The following KCNQ1 variants were observed in gnomAD, a reference collection of about 807,000 sequenced individuals.
The protein encoded by KCNQ1 is potassium voltage-gated channel subfamily KQT member 1.
A neutral mutation model predicts 72.4 loss-of-function variants in KCNQ1; 49 were observed. That is an observed-to-expected ratio of 0.68 (90% CI 0.54 to 0.86). The LOEUF is 0.86. KCNQ1 is among the 40% of genes least tolerant of loss of function. The probability of loss-of-function intolerance (pLI) is 0.00; values close to 1 mark genes in which losing one functional copy is unlikely to be tolerated. For missense variants in KCNQ1, 790 were observed against 945.1 expected (o/e 0.84, Z 2.15); for synonymous variants, 450 against 412.6 (o/e 1.09, Z -1.10).
chr11:2,674,716 TCTG>T lies in KCNQ1; in HGVS notation c.1514+12636_1514+12638del. The stretch of plus-strand genomic sequence containing the variant: ...AAACCTTTCCTGATGACTCCTTCCT[TCTG>T]AACTTAACTCGTTAAAGTTGCTCCA... On this transcript the variant is annotated intron_variant, in intron 11 of 15. Coordinates refer to ENST00000155840, the MANE Select transcript of KCNQ1 (RefSeq NM_000218.3). The surrounding 1 kb of genome is among the most constrained non-coding windows in gnomAD (Gnocchi z 5.9). The T allele has an allele frequency of 2.5e-6, 1 of 398,280 alleles. No homozygotes were observed. The highest frequency in any genetic ancestry group is 4.4e-6 in the Non-Finnish European group (1 of 226,034). The allele number at this position is 398,280 out of a possible 1,614,324, so 24.7% of individuals were successfully genotyped here.
At chr11:2,500,060 C>T (rs1001135247) in intron 1 of KCNQ1, among the ~76,000 whole-genome samples, 2 of 152,146 alleles carry the variant, frequency 1.3e-5, no homozygotes, top group Admixed American at 1.3e-4. Context: ...AAACAATATG[C>T]TCCTGAATGA....
At chr11:2,792,094 G>C (rs1288991343) in intron 15 of KCNQ1, among the ~76,000 whole-genome samples, 3 of 152,168 alleles carry the variant, frequency 2.0e-5, no homozygotes, top group Admixed American at 6.5e-5. Context: ...CCCTGGTCCG[G>C]CGCTTCCATT....
At chr11:2,751,353 G>A (rs915169708) in intron 11 of KCNQ1, among the ~76,000 whole-genome samples, 3 of 152,168 alleles carry the variant, frequency 2.0e-5, no homozygotes, top group East Asian at 1.9e-4. Flanking sequence ...AGAAACGGAC[G>A]CCAGCGTTTA....
intron 7 of KCNQ1, among the ~76,000 whole-genome samples, chr11:2,584,451 TTGTG>T (rs931052835): frequency 7.0e-4 from 105 of 150,958 alleles, no homozygotes; most frequent in African/African-American, 2.0e-3. Flanking sequence ...TAGTTTGTGT[TTGTG>T]TGTGTATGTT....
chr11:2,669,564 C>G lies in KCNQ1; in HGVS notation c.1514+7483C>G. On this transcript the variant is annotated intron_variant, in intron 11 of 15. Transcript: ENST00000155840. The surrounding 1 kb of genome is among the most constrained non-coding windows in gnomAD (Gnocchi z 5.6). The stretch of plus-strand genomic sequence containing the variant: ...ACAAGGTCTGTCAGGGAGCCCTGGC[C>G]AGCTTGGGTCATTTCATCCTGCCCA... 1 of 398,588 alleles carries G rather than the reference C, an allele frequency of 2.5e-6. No individual in the cohort carries two copies. Among genetic ancestry groups the G allele is most frequent in the Non-Finnish European group, 4.4e-6 (1 of 226,076 alleles). The allele number at this position is 398,588 out of a possible 1,614,324, so 24.7% of individuals were successfully genotyped here.
Position 2,659,223 on chromosome 11 carries a change from A to G in KCNQ1, c.1394-2738A>G, listed in dbSNP as rs1849906539. ...CCAGTATCATTCACAGAAGTTCCAT[A>G]CCCCTAAAAATACCCTGGGGTGAGT... On this transcript the variant is annotated intron_variant, in intron 10 of 15. Coordinates refer to ENST00000155840, the MANE Select transcript of KCNQ1 (RefSeq NM_000218.3). This position sits in a 1 kb window ranked among gnomAD's most constrained non-coding sequence, Gnocchi z 4.3. 1 of 398,414 alleles carries G rather than the reference A, an allele frequency of 2.5e-6. No homozygotes were observed. The highest frequency in any genetic ancestry group is 1.3e-4 in the South Asian group (1 of 7,848). 24.7% of individuals were successfully genotyped at this position (398,414 alleles called of 1,614,324 possible).
chr11:2,616,831 A>G (rs1015573409), intron 10 of KCNQ1: 3 of 398,154 alleles, frequency 7.5e-6, no homozygotes, highest in Admixed American at 4.4e-5. Flanking sequence ...GGAATGTTCC[A>G]TGTGCACTTG....
intron 15 of KCNQ1, among the ~76,000 whole-genome samples, chr11:2,791,606 G>A (rs981277324): frequency 6.6e-6 from 1 of 152,142 alleles, no homozygotes; most frequent in Non-Finnish European, 1.5e-5. Context: ...AAGGAAGGAC[G>A]GGGCGAACCG....
chr11:2,719,625 C>T (rs1482654955), intron 11 of KCNQ1, among the ~76,000 whole-genome samples: 1 of 152,226 alleles, frequency 6.6e-6, no homozygotes, highest in African/African-American at 2.4e-5. Context: ...CAAATGCTGC[C>T]TGCTGGCTGG....
chr11:2,535,221 G>A (rs1013473430), intron 2 of KCNQ1, among the ~76,000 whole-genome samples: 2 of 152,204 alleles, frequency 1.3e-5, no homozygotes, highest in South Asian at 4.1e-4. Flanking sequence ...GCAGGCTTTG[G>A]GCGGGTAAGG....
At chr11:2,667,289 G>A (rs1850093973) in intron 11 of KCNQ1, 2 of 398,626 alleles carry the variant, frequency 5.0e-6, no homozygotes, top group Non-Finnish European at 8.8e-6. Flanking sequence ...GCTATGGGGA[G>A]AGGGCCGCAC....
At position 2,704,461 on chromosome 11, in the gene KCNQ1, C is replaced by T. The variant is rs752857722; in HGVS notation, c.1514+42380C>T. Reference sequence around the variant, plus strand: ...TCATGTCCCCACCCAAATCACATCCCCACCAGGATGGGCAGGCTCTGGGTC... The same window carrying T: ...TCATGTCCCCACCCAAATCACATCCTCACCAGGATGGGCAGGCTCTGGGTC... On this transcript the variant is annotated intron_variant, in intron 11 of 15. Coordinates refer to ENST00000155840, the MANE Select transcript of KCNQ1 (RefSeq NM_000218.3). The surrounding 1 kb of genome is among the most constrained non-coding windows in gnomAD (Gnocchi z 4.3). 1.3e-5 allele frequency among the ~76,000 whole-genome samples: 2 copies of T among 152,224 alleles called. No homozygotes were observed. The highest frequency in any genetic ancestry group is 2.9e-5 in the Non-Finnish European group (2 of 68,040).
chr11:2,581,425 C>T (rs561721591), intron 6 of KCNQ1, among the ~76,000 whole-genome samples: 4 of 152,328 alleles, frequency 2.6e-5, no homozygotes, highest in East Asian at 1.9e-4. Flanking sequence ...GGGAAGGTAG[C>T]GGCAGCCCAG....
intron 10 of KCNQ1, chr11:2,631,606 T>C: frequency 2.5e-6 from 1 of 398,642 alleles, no homozygotes; most frequent in East Asian, 3.6e-5. Flanking sequence ...TGAAAATTAT[T>C]GTATTTCTCA....
chr11:2,694,788 C>G (rs1221355035), intron 11 of KCNQ1: 1 of 398,476 alleles, frequency 2.5e-6, no homozygotes, highest in East Asian at 3.6e-5. Flanking sequence ...TGCAGAGACT[C>G]GAAAGGTAGT....
rs190939220 is a variant in KCNQ1 at position 2,458,177 on chromosome 11, C to T, written c.386+12693C>T. Among the ~76,000 whole-genome samples the T allele has an allele frequency of 6.6e-6, 1 of 152,088 alleles. No individual in the cohort carries two copies. The highest frequency in any genetic ancestry group is 1.9e-4 in the East Asian group (1 of 5,166). On this transcript the variant is annotated intron_variant, in intron 1 of 15. Transcript: ENST00000155840. The surrounding 1 kb of genome is among the most constrained non-coding windows in gnomAD (Gnocchi z 4.6). ...AGGGGTCCTTGTCTTCCCCCTTCTC[C>T]CCAAGCTGAAGATGCAGTGGGTAAG...
rs1379749786 is a variant in KCNQ1 at position 2,457,499 on chromosome 11, A to T, written c.386+12015A>T. 2.0e-5 allele frequency among the ~76,000 whole-genome samples: 3 copies of T among 152,202 alleles called. No individual in the cohort carries two copies. ...AACATGGATGCAGCTGGAGGTCGTT[A>T]TCCTAAGTGAATTAATGCAGAAACT... On this transcript the variant is annotated intron_variant, in intron 1 of 15. Transcript: ENST00000155840. The surrounding 1 kb of genome is among the most constrained non-coding windows in gnomAD (Gnocchi z 5.0).
chr11:2,663,944 T>C lies in KCNQ1; in HGVS notation c.1514+1863T>C, dbSNP rs182333458. The C allele has an allele frequency of 5.0e-6, 2 of 398,590 alleles. No individual in the cohort carries two copies. Among genetic ancestry groups the C allele is most frequent in the Non-Finnish European group, 8.8e-6 (2 of 226,122 alleles). 24.7% of individuals were successfully genotyped at this position (398,590 alleles called of 1,614,324 possible). On this transcript the variant is annotated intron_variant, in intron 11 of 15. Transcript: ENST00000155840. This position sits in a 1 kb window ranked among gnomAD's most constrained non-coding sequence, Gnocchi z 5.2. ...GGCTGTTTCTTGTTCCACTCCAGGA[T>C]GACAGGGCCTGAGAGACCTGAACAT...
At chr11:2,587,107 C>T (rs965087512) in intron 8 of KCNQ1, among the ~76,000 whole-genome samples, 7 of 152,200 alleles carry the variant, frequency 4.6e-5, no homozygotes, top group East Asian at 3.8e-4. Context: ...GATCCTGCCT[C>T]TCCCTGCCCC....
Sources: allele counts gnomAD v4.1 joint callset (sites outside exome capture counted in the v4.1 genomes callset), GRCh38; gene constraint gnomAD v4.1.1; non-coding constraint Gnocchi (gnomAD v3.1); transcripts MANE v1.5; gene names NCBI Gene and HGNC (gene_info 2026-07-23, HGNC 2026-07-21).